The following CNTNAP2 variants were observed in gnomAD, a reference collection of about 807,000 sequenced individuals.
CNTNAP2 encodes contactin associated protein 2.
In CNTNAP2, 98 loss-of-function variants were observed where a neutral mutation model predicts 155.2. The ratio of observed to expected loss-of-function variants is 0.63; its 90% CI spans 0.54 to 0.75. CNTNAP2 has a LOEUF of 0.75. CNTNAP2 is among the 30% of genes least tolerant of loss of function. The pLI, the probability that CNTNAP2 is intolerant of heterozygous loss-of-function variation, is 0.00. For synonymous variants in CNTNAP2, 651 were observed against 631.2 expected (o/e 1.03, Z -0.47); for missense variants, 1,727 against 1,688.1 (o/e 1.02, Z -0.40).
intron 1 of CNTNAP2, among the ~76,000 whole-genome samples, chr7:146,178,953 T>A (rs1448998828): frequency 6.6e-6 from 1 of 152,174 alleles, no homozygotes; most frequent in African/African-American, 2.4e-5. Flanking sequence ...TGCTGTTATC[T>A]CCCAAATACT....
At chr7:146,699,446 C>T (rs1300870291) in intron 1 of CNTNAP2, among the ~76,000 whole-genome samples, 2 of 152,064 alleles carry the variant, frequency 1.3e-5, no homozygotes, top group African/African-American at 2.4e-5. Flanking sequence ...GGAGGATAGG[C>T]ATTCTACAGT....
In CNTNAP2 at chr7:148,365,961, TATAC is replaced by T. The variant is rs1798752386; in HGVS notation, c.3476-17685_3476-17682del. On this transcript the variant is annotated intron_variant, in intron 21 of 23. Transcript: ENST00000361727. ...GCATGTATACATGCGTGTATGCATGTATACATGTGTGTATGCATGTATACATGTG... is the reference window on the plus strand; with the variant it reads ...GCATGTATACATGCGTGTATGCATGTATGTGTGTATGCATGTATACATGTG... Among the ~76,000 whole-genome samples, 5 of 3,558 alleles carry T rather than the reference TATAC, an allele frequency of 1.4e-3. 2 individuals carry two copies. The highest frequency in any genetic ancestry group is 1.9e-3 in the African/African-American group (5 of 2,632). 2.3% of individuals were successfully genotyped at this position (3,558 alleles called of 152,430 possible).
At chr7:146,260,581 A>T (rs115524357) in intron 1 of CNTNAP2, among the ~76,000 whole-genome samples, 6,344 of 152,272 alleles carry the variant, frequency 0.042, 408 homozygotes, top group African/African-American at 0.14. Flanking sequence ...TTTTGAAGCT[A>T]TAAGATTTAA....
chr7:147,450,078 C>T (rs1397336969), intron 10 of CNTNAP2, among the ~76,000 whole-genome samples: 1 of 152,188 alleles, frequency 6.6e-6, no homozygotes, highest in Non-Finnish European at 1.5e-5. Flanking sequence ...ATATCACTCC[C>T]ATGATCATGT....
intron 12 of CNTNAP2, among the ~76,000 whole-genome samples, chr7:147,594,352 G>T (rs188679945): frequency 1.4e-3 from 214 of 152,168 alleles, no homozygotes; most frequent in African/African-American, 4.9e-3. Flanking sequence ...GCTGGCAGTG[G>T]CTTGCGTGGT....
chr7:147,133,479 G>A (rs1281122640), intron 8 of CNTNAP2, among the ~76,000 whole-genome samples: 1 of 151,970 alleles, frequency 6.6e-6, no homozygotes, highest in Non-Finnish European at 1.5e-5. Context: ...GGCACCCTAT[G>A]CATATACCTG....
At chr7:148,061,147 A>G (rs1487771293) in intron 15 of CNTNAP2, among the ~76,000 whole-genome samples, 1 of 152,216 alleles carries the variant, frequency 6.6e-6, no homozygotes, top group African/African-American at 2.4e-5. Flanking sequence ...AGGTTTTTAA[A>G]ACTGTGTAAT....
At position 147,918,661 on chromosome 7, in the gene CNTNAP2, CT is replaced by C. The variant is rs527758456; in HGVS notation, c.2255+14946del. 1.1e-4 allele frequency among the ~76,000 whole-genome samples: 16 copies of C among 152,142 alleles called. No homozygotes were observed. The East Asian group carries it at 2.9e-3, about 28-fold the overall frequency. On this transcript the variant is annotated intron_variant, in intron 14 of 23. Transcript: ENST00000361727. ...GTATTAAGGTGAAATCAATTACTACCTTTTTTCATCAGGACTAGAGGAGGAA... is the reference window on the plus strand; with the variant it reads ...GTATTAAGGTGAAATCAATTACTACCTTTTTCATCAGGACTAGAGGAGGAA...
chr7:147,676,496 G>A (rs549316463), intron 13 of CNTNAP2, among the ~76,000 whole-genome samples: 10 of 151,950 alleles, frequency 6.6e-5, no homozygotes, highest in Non-Finnish European at 1.3e-4. Flanking sequence ...GCACTGCCTC[G>A]TATAGTTATC....
chr7:146,426,855 G>GCA (rs1041670196), intron 1 of CNTNAP2, among the ~76,000 whole-genome samples: 7 of 142,146 alleles, frequency 4.9e-5, no homozygotes, highest in African/African-American at 1.1e-4. Context: ...TGTTCTTACT[G>GCA]CACACACACA....
chr7:146,633,125 G>A (rs1799536837), intron 1 of CNTNAP2, among the ~76,000 whole-genome samples: 1 of 152,052 alleles, frequency 6.6e-6, no homozygotes, highest in Admixed American at 6.6e-5. Context: ...TCCTTTCCCA[G>A]CTGGAGGCAT....
intron 18 of CNTNAP2, among the ~76,000 whole-genome samples, chr7:148,175,098 A>C (rs568871756): frequency 1.3e-5 from 2 of 152,258 alleles, no homozygotes; most frequent in South Asian, 4.2e-4. Context: ...CATTCTTTTT[A>C]CAGCTGCATA....
intron 12 of CNTNAP2, among the ~76,000 whole-genome samples, chr7:147,617,479 G>A (rs1801314834): frequency 6.6e-6 from 1 of 152,074 alleles, no homozygotes. Flanking sequence ...CATTTTTTAT[G>A]TAATAGGCTA....
At chr7:147,305,820 A>G (rs1269889575) in intron 9 of CNTNAP2, among the ~76,000 whole-genome samples, 1 of 152,144 alleles carries the variant, frequency 6.6e-6, no homozygotes, top group Non-Finnish European at 1.5e-5. Context: ...GAAGTCTAAA[A>G]TGGAGGTTCA....
intron 8 of CNTNAP2, among the ~76,000 whole-genome samples, chr7:147,285,605 T>C (rs1805158368): frequency 6.6e-6 from 1 of 152,022 alleles, no homozygotes; most frequent in African/African-American, 2.4e-5. Context: ...AAAAATACTT[T>C]TTGCATTGCA....
chr7:148,217,839 A>G lies in CNTNAP2; in HGVS notation c.3247+315A>G, dbSNP rs146965689. Among the ~76,000 whole-genome samples the G allele has an allele frequency of 7.2e-5, 11 of 152,302 alleles. No individual in the cohort carries two copies. In the East Asian group the frequency reaches 2.1e-3, roughly 29 times the overall value. On this transcript the variant is annotated intron_variant, in intron 19 of 23. Coordinates refer to ENST00000361727, the MANE Select transcript of CNTNAP2 (RefSeq NM_014141.6). Reference sequence around the variant, plus strand: ...TTTTTTCTCCCTACTAAATAAACACATTTGGCTGGACACTGTGGCTCACGC... The same window carrying G: ...TTTTTTCTCCCTACTAAATAAACACGTTTGGCTGGACACTGTGGCTCACGC...
At chr7:147,760,126 G>A (rs1797276610) in intron 13 of CNTNAP2, among the ~76,000 whole-genome samples, 2 of 151,786 alleles carry the variant, frequency 1.3e-5, no homozygotes, top group Non-Finnish European at 2.9e-5. Context: ...ATTACATTAT[G>A]ACCTTTTTTA....
intron 10 of CNTNAP2, among the ~76,000 whole-genome samples, chr7:147,452,924 A>T (rs944388431): frequency 1.3e-5 from 2 of 151,332 alleles, no homozygotes; most frequent in East Asian, 3.9e-4. Context: ...AACTAGAAAA[A>T]ATAGAATGGG....
intron 3 of CNTNAP2, among the ~76,000 whole-genome samples, chr7:146,864,819 A>C (rs899639349): frequency 8.5e-5 from 6 of 70,652 alleles, no homozygotes; most frequent in African/African-American, 5.1e-4. Context: ...CTACCAAACA[A>C]AGCAAAACAA....
Sources: gnomAD v4.1 joint callset for allele counts (sites outside exome capture counted in the v4.1 genomes callset) on GRCh38, gnomAD v4.1.1 for gene constraint, MANE v1.5 for transcripts, NCBI Gene and HGNC (gene_info 2026-07-23, HGNC 2026-07-21) for gene names.